The following DYRK4 variants were observed in gnomAD, a reference collection of about 807,000 sequenced individuals.
DYRK4 encodes dual specificity tyrosine phosphorylation regulated kinase 4, also known as dual specificity tyrosine-phosphorylation-regulated kinase 4.
A neutral mutation model predicts 68.3 loss-of-function variants in DYRK4; 64 were observed. The ratio of observed to expected loss-of-function variants is 0.94; its 90% CI spans 0.77 to 1.15. DYRK4 has a LOEUF of 1.15. Among genes scored for constraint, DYRK4 ranks in the 50% most tolerant of loss-of-function variants. The probability of loss-of-function intolerance (pLI) is 0.00; values close to 1 mark genes in which losing one functional copy is unlikely to be tolerated. For missense variants in DYRK4, 740 were observed against 764.7 expected, an observed-to-expected ratio of 0.97 and a Z score of 0.38; for synonymous variants, 274 against 289.9, an observed-to-expected ratio of 0.95 and a Z score of 0.56.
intron 3 of DYRK4, 63 bp from the exon 4 acceptor site, chr12:4,590,267 T>C: frequency 6.8e-7 from 1 of 1,473,390 alleles, no homozygotes; most frequent in East Asian, 2.6e-5. Flanking sequence ...CTGGAAGAAA[T>C]GACCCCTGGA....
rs58963826 is a variant in DYRK4 at position 4,605,729 on chromosome 12, G to GTTTT, written c.1299+666_1299+669dup. Among the ~76,000 whole-genome samples the GTTTT allele has an allele frequency of 3.7e-3, 378 of 102,074 alleles. 47 individuals carry two copies. Among genetic ancestry groups the GTTTT allele is most frequent in the African/African-American group, 0.01 (279 of 27,332 alleles). The allele number at this position is 102,074 out of a possible 152,430, so 67.0% of individuals were successfully genotyped here. ...CTCTTAGAAAAATGAATAGAGCTGG[G>GTTTT]TTTTTTTTTTTTTTTTTTTTTTTTT... On this transcript the variant is annotated intron_variant, in intron 11 of 14. Transcript: ENST00000543431.
intron 2 of DYRK4, among the ~76,000 whole-genome samples, chr12:4,574,771 G>A (rs947750641): frequency 6.6e-6 from 1 of 152,188 alleles, no homozygotes; most frequent in Non-Finnish European, 1.5e-5. Flanking sequence ...AGGTTGGAGC[G>A]CAGTGGTGCG....
chr12:4,601,725 T>C (rs184314781), intron 10 of DYRK4, among the ~76,000 whole-genome samples: 8 of 152,322 alleles, frequency 5.3e-5, no homozygotes, highest in Non-Finnish European at 1.2e-4. Context: ...TATCTTTTTT[T>C]TAGTAAGGAT....
intron 2 of DYRK4, among the ~76,000 whole-genome samples, chr12:4,575,378 G>A (rs556361134): frequency 1.9e-4 from 28 of 150,844 alleles, no homozygotes; most frequent in African/African-American, 6.1e-4. Context: ...GTGCGATCTC[G>A]GCTCACTGCA....
intron 1 of DYRK4, 43 bp downstream of exon 1, chr12:4,562,326 G>A: frequency 1.3e-6 from 2 of 1,520,022 alleles, no homozygotes; most frequent in Middle Eastern, 1.7e-4. Context: ...AGTCAGGCGC[G>A]AGTACGAGGC....
intron 10 of DYRK4, among the ~76,000 whole-genome samples, chr12:4,604,337 T>C (rs1344310701): frequency 1.3e-5 from 2 of 152,202 alleles, no homozygotes; most frequent in Non-Finnish European, 2.9e-5. Flanking sequence ...AGAAAAGTGG[T>C]TACAGAATCC....
intron 11 of DYRK4, among the ~76,000 whole-genome samples, 184 bp downstream of exon 11, chr12:4,605,270 C>G (rs1383156844): frequency 6.6e-6 from 1 of 152,198 alleles, no homozygotes; most frequent in African/African-American, 2.4e-5. Context: ...CGACATCTAA[C>G]GTTTTATCAT....
rs116921947 is a variant in DYRK4, at chr12:4,596,013, C to T, written c.628-136C>T. ...GTCGCAATGAGATGAGGGCGAGAGT[C>T]GCACAAGTGCCCAGTGTAGTTAGAA... On this transcript the variant is annotated intron_variant, in intron 6 of 14. Coordinates refer to ENST00000543431, the MANE Select transcript of DYRK4 (RefSeq NM_001394779.1). 5.8e-4 allele frequency: 534 copies of T among 917,356 alleles called. 1 individual carries two copies. Among genetic ancestry groups the T allele is most frequent in the Non-Finnish European group, 8.2e-4 (490 of 596,522 alleles). The allele number at this position is 917,356 out of a possible 1,614,324, so 56.8% of individuals were successfully genotyped here.
At chr12:4,572,609 A>G (rs1451121104) in intron 2 of DYRK4, among the ~76,000 whole-genome samples, 1 of 152,140 alleles carries the variant, frequency 6.6e-6, no homozygotes, top group Non-Finnish European at 1.5e-5. Flanking sequence ...GACATGTTTT[A>G]AAAAGTTCTT....
At chr12:4,562,704 C>A (rs1944639852) in intron 1 of DYRK4, among the ~76,000 whole-genome samples, 1 of 152,230 alleles carries the variant, frequency 6.6e-6, no homozygotes, top group East Asian at 1.9e-4. Flanking sequence ...TCCACGACCA[C>A]ACGCCTCGCG....
chr12:4,581,045 T>C, intron 2 of DYRK4: 1 of 339,768 alleles, frequency 2.9e-6, no homozygotes, highest in Admixed American at 3.9e-5. Context: ...CTGCTCTAAC[T>C]AGCCCTAAAT....
chr12:4,610,378 G>A (rs1945206330), intron 13 of DYRK4, 94 bp downstream of exon 13: 2 of 1,281,368 alleles, frequency 1.6e-6, no homozygotes, highest in Non-Finnish European at 2.1e-6. Flanking sequence ...CTGGGAGATA[G>A]TTATAAAAGT....
At chr12:4,599,197 C>T (rs1443459142) in intron 9 of DYRK4, 31 bp downstream of exon 9, 2 of 1,606,514 alleles carry the variant, frequency 1.2e-6, no homozygotes, top group South Asian at 1.1e-5. Context: ...GCCATGGACA[C>T]ACTCTGGAAA....
intron 2 of DYRK4, among the ~76,000 whole-genome samples, chr12:4,585,940 G>A (rs1209838360): frequency 1.3e-5 from 2 of 152,220 alleles, no homozygotes; most frequent in African/African-American, 4.8e-5. Context: ...TTAGCTGGGG[G>A]CATGATGGTT....
intron 2 of DYRK4, among the ~76,000 whole-genome samples, chr12:4,573,635 G>A (rs1944754964): frequency 6.6e-6 from 1 of 152,132 alleles, no homozygotes; most frequent in African/African-American, 2.4e-5. Context: ...CTCCCGGTGT[G>A]TGTTATAGCA....
At chr12:4,610,534 T>C (rs1031644415) in intron 13 of DYRK4, 5 of 304,314 alleles carry the variant, frequency 1.6e-5, no homozygotes, top group African/African-American at 4.3e-5. Flanking sequence ...TTCAAAGAGA[T>C]TAAGTGACCT....
Position 4,610,146 on chromosome 12 carries a change from T to C in DYRK4, c.1361-9T>C. 1.9e-6 allele frequency: 3 copies of C among 1,579,364 alleles called. No homozygotes were observed. In the Admixed American group the frequency reaches 5.8e-5, roughly 30 times the overall value. On this transcript the variant is annotated splice_polypyrimidine_tract_variant and intron_variant, in intron 12 of 14. Coordinates refer to ENST00000543431, the MANE Select transcript of DYRK4 (RefSeq NM_001394779.1). ...CTGAAACTAAATACAGAATGTTCTA[T>C]CTCTACAGATTCCAAAGGTTTTCCT...
intron 2 of DYRK4, among the ~76,000 whole-genome samples, chr12:4,581,315 A>G (rs1731709231): frequency 6.6e-6 from 1 of 152,194 alleles, no homozygotes; most frequent in Non-Finnish European, 1.5e-5. Context: ...GAGATTACAT[A>G]GTCAGGTCAG....
intron 2 of DYRK4, among the ~76,000 whole-genome samples, chr12:4,585,606 C>T (rs975428311): frequency 3.3e-5 from 5 of 151,310 alleles, no homozygotes; most frequent in Admixed American, 3.3e-4. Context: ...GGAAGGGGAA[C>T]ATCACACACC....
Sources: gnomAD v4.1 joint callset for allele counts (sites outside exome capture counted in the v4.1 genomes callset) on GRCh38, gnomAD v4.1.1 for gene constraint, MANE v1.5 for transcripts, NCBI Gene and HGNC (gene_info 2026-07-23, HGNC 2026-07-21) for gene names.